SLC1A2: variants seen among roughly 807,000 people sequenced by gnomAD.
SLC1A2 encodes the protein excitatory amino acid transporter 2.
SLC1A2 carries 15 observed loss-of-function variants against 48.8 expected under a neutral mutation model. The ratio of observed to expected loss-of-function variants is 0.31; its 90% CI spans 0.21 to 0.47. The LOEUF is 0.47. Among genes scored for constraint, SLC1A2 ranks in the 20% least tolerant of loss-of-function variants. SLC1A2 has a pLI of 0.99. For synonymous variants in SLC1A2, 279 were observed against 272.6 expected (o/e 1.02, Z -0.23); for missense variants, 502 against 730.5 (o/e 0.69, Z 3.61).
In SLC1A2 at chr11:35,419,020, G is replaced by A; in HGVS notation, c.-54C>T. ...CACTATCCGGCAGCTGTGGGCGAGG[G>A]AGAAAGCGGACGCCGGGGTGAGCGC... is the stretch of plus-strand genomic sequence containing the variant. On this transcript the variant is annotated 5_prime_UTR_variant, in exon 1 of 11. Transcript: ENST00000278379. The surrounding 1 kb of genome is among the most constrained non-coding windows in gnomAD (Gnocchi z 5.4). 1 of 1,519,454 alleles carries A rather than the reference G, an allele frequency of 6.6e-7. No individual in the cohort carries two copies. The allele number at this position is 1,519,454 out of a possible 1,614,324, so 94.1% of individuals were successfully genotyped here. A position where few individuals can be genotyped will look rare whatever the true frequency, so the allele number is the denominator to read the frequency against.
In SLC1A2 at chr11:35,366,286, G is replaced by A. The variant is rs542393102; in HGVS notation, c.18-48770C>T. ...CAGATGCTCTCAGTGCCCCACTCAC[G>A]TCCCTCCTCTCTGTCCCTCTAATGC... On this transcript the variant is annotated intron_variant, in intron 1 of 10. Transcript: ENST00000278379. 2.2e-4 allele frequency among the ~76,000 whole-genome samples: 34 copies of A among 152,248 alleles called. No homozygotes were observed. In the South Asian group the frequency reaches 3.9e-3, roughly 18 times the overall value.
At chr11:35,370,870 G>T in intron 1 of SLC1A2, 2 of 779,370 alleles carry the variant, frequency 2.6e-6, no homozygotes, top group Non-Finnish European at 3.1e-6. Context: ...AGCTGCACAT[G>T]CTGAGTGGCC....
chr11:35,367,123 G>A (rs1481916135), intron 1 of SLC1A2, among the ~76,000 whole-genome samples: 1 of 152,154 alleles, frequency 6.6e-6, no homozygotes, highest in African/African-American at 2.4e-5. Flanking sequence ...CCTTGAGTTT[G>A]GAGACAGTTG....
At chr11:35,301,724 A>G (rs781198232) in intron 5 of SLC1A2, 79 bp from the exon 6 acceptor site, 11 of 1,365,560 alleles carry the variant, frequency 8.1e-6, no homozygotes, top group Non-Finnish European at 9.2e-6. Flanking sequence ...ACCATTCCCA[A>G]TGTATGGAGC....
In SLC1A2 at chr11:35,258,287, A is replaced by T. The variant is rs2134576017; in HGVS notation, c.*2607T>A. 6.6e-6 allele frequency: 1 copy of T among 152,378 alleles called. No individual in the cohort carries two copies. Among genetic ancestry groups the T allele is most frequent in the African/African-American group, 2.4e-5 (1 of 41,596 alleles). 9.4% of individuals were successfully genotyped at this position (152,378 alleles called of 1,614,324 possible). ...ACTTCCTGCACACAGTAAGTCTCAG[A>T]CCAGAAAAAACTTGCTTTGTGAAGT... On this transcript the variant is annotated 3_prime_UTR_variant, in exon 11 of 11. Transcript: ENST00000278379.
intron 7 of SLC1A2, among the ~76,000 whole-genome samples, chr11:35,288,398 T>C (rs1850893344): frequency 1.3e-5 from 2 of 152,308 alleles, no homozygotes; most frequent in Admixed American, 1.3e-4. Context: ...CCTGGCCTCA[T>C]TTGCATGCAG....
At chr11:35,380,793 G>A (rs956409716) in intron 1 of SLC1A2, among the ~76,000 whole-genome samples, 3 of 152,238 alleles carry the variant, frequency 2.0e-5, no homozygotes, top group Non-Finnish European at 4.4e-5. Flanking sequence ...TTTGTTTTGA[G>A]TGCCTCTGGG....
At chr11:35,374,357 T>C in intron 1 of SLC1A2, 5 of 859,534 alleles carry the variant, frequency 5.8e-6, no homozygotes, top group Non-Finnish European at 3.8e-6. Flanking sequence ...TAAATAGCGA[T>C]GTGTTGTTGG....
At chr11:35,348,872 G>A (rs182061623) in intron 1 of SLC1A2, among the ~76,000 whole-genome samples, 4 of 126,786 alleles carry the variant, frequency 3.2e-5, no homozygotes, top group East Asian at 4.7e-4. Context: ...CAGCCTGGGC[G>A]ACAGACCGAG....
chr11:35,379,363 T>TA (rs1854344227), intron 1 of SLC1A2, among the ~76,000 whole-genome samples: 1 of 152,266 alleles, frequency 6.6e-6, no homozygotes, highest in African/African-American at 2.4e-5. Flanking sequence ...TTCACAAAAC[T>TA]ATTGCAAATC....
upstream of SLC1A2, chr11:35,420,029 C>T: frequency 2.4e-6 from 1 of 418,200 alleles, no homozygotes; most frequent in South Asian, 1.7e-5. Context: ...AGCTGCGCTC[C>T]CTCCCCCGCC....
chr11:35,396,104 C>T (rs1457638926), intron 1 of SLC1A2, among the ~76,000 whole-genome samples: 1 of 136,248 alleles, frequency 7.3e-6, no homozygotes, highest in African/African-American at 3.1e-5. Context: ...GGTTCCAAGT[C>T]TTTGCTATTG....
intron 1 of SLC1A2, among the ~76,000 whole-genome samples, chr11:35,408,021 C>T (rs1042045187): frequency 6.6e-6 from 1 of 152,198 alleles, no homozygotes; most frequent in African/African-American, 2.4e-5. Flanking sequence ...AGCCAGTATG[C>T]TGAACCAAAT....
chr11:35,294,991 A>G (rs912632770), intron 6 of SLC1A2, among the ~76,000 whole-genome samples: 7 of 152,194 alleles, frequency 4.6e-5, no homozygotes, highest in Non-Finnish European at 8.8e-5. Flanking sequence ...CGTTTGTTCT[A>G]TGAAGTCTTT....
At chr11:35,360,328 A>T (rs1853632002) in intron 1 of SLC1A2, among the ~76,000 whole-genome samples, 1 of 152,208 alleles carries the variant, frequency 6.6e-6, no homozygotes, top group African/African-American at 2.4e-5. Context: ...CTCCTTAGGC[A>T]AGAACCATGG....
chr11:35,382,867 T>G (rs966083039), intron 1 of SLC1A2, among the ~76,000 whole-genome samples: 37 of 152,220 alleles, frequency 2.4e-4, no homozygotes, highest in African/African-American at 8.7e-4. Flanking sequence ...TAAGGTATTA[T>G]TGTTTCCAGC....
intron 1 of SLC1A2, among the ~76,000 whole-genome samples, chr11:35,380,147 G>A (rs1321131591): frequency 2.0e-5 from 3 of 152,136 alleles, no homozygotes; most frequent in Non-Finnish European, 2.9e-5. Context: ...AGAGCTCACT[G>A]GTTTGATAAG....
intron 1 of SLC1A2, among the ~76,000 whole-genome samples, chr11:35,379,010 C>T (rs901031596): frequency 1.3e-5 from 2 of 152,152 alleles, no homozygotes; most frequent in Non-Finnish European, 2.9e-5. Context: ...GGATGGATCA[C>T]CTGAGGTCAG....
chr11:35,397,738 C>A (rs1855010342), intron 1 of SLC1A2, among the ~76,000 whole-genome samples: 1 of 152,010 alleles, frequency 6.6e-6, no homozygotes, highest in South Asian at 2.1e-4. Context: ...CAAGAGAGAC[C>A]CCTCACCCCT....
Sources: allele counts gnomAD v4.1 joint callset (sites outside exome capture counted in the v4.1 genomes callset), GRCh38; gene constraint gnomAD v4.1.1; non-coding constraint Gnocchi (gnomAD v3.1); transcripts MANE v1.5; gene names NCBI Gene and HGNC (gene_info 2026-07-23, HGNC 2026-07-21).